The following AGBL1 variants were observed in gnomAD, a reference collection of about 807,000 sequenced individuals.
The protein encoded by AGBL1 is cytosolic carboxypeptidase 4.
AGBL1 carries 130 observed loss-of-function variants against 118.9 expected under a neutral mutation model. That is an observed-to-expected ratio of 1.09 (90% CI 0.95 to 1.26). AGBL1 has a LOEUF of 1.26. Among genes scored for constraint, AGBL1 ranks in the 50% most tolerant of loss-of-function variants. AGBL1 has a pLI of 0.00. For missense variants in AGBL1, 1,584 were observed against 1,298.1 expected (o/e 1.22, Z -3.38); for synonymous variants, 555 against 478.9 (o/e 1.16, Z -2.08).
intron 17 of AGBL1, among the ~76,000 whole-genome samples, chr15:86,395,470 C>G (rs1267087690): frequency 6.6e-6 from 1 of 152,094 alleles, no homozygotes; most frequent in Non-Finnish European, 1.5e-5. Flanking sequence ...CCTCCATTAG[C>G]TCACTTGTAA....
Position 86,816,451 on chromosome 15 carries a change from A to C in AGBL1, c.3159-90636A>C, listed in dbSNP as rs150051321. 1.6e-4 allele frequency among the ~76,000 whole-genome samples: 24 copies of C among 152,342 alleles called. No individual in the cohort carries two copies. The East Asian group carries it at 4.1e-3, about 26-fold the overall frequency. The stretch of plus-strand genomic sequence containing the variant: ...AAAAAGGCAGTTCAGTTGACAGGTG[A>C]CATCGACACCAAAGAAATATCAGGA... On this transcript the variant is annotated intron_variant, in intron 22 of 22. Coordinates refer to ENST00000614907, the MANE Select transcript of AGBL1 (RefSeq NM_001386094.1).
intron 5 of AGBL1, among the ~76,000 whole-genome samples, chr15:86,201,114 T>A (rs4887407): frequency 0.4 from 60,124 of 151,866 alleles, 12,133 homozygotes; most frequent in South Asian, 0.53. Flanking sequence ...ATAAATAGTC[T>A]TGTCTATTAT....
At chr15:86,849,722 C>T (rs1243461755) in intron 22 of AGBL1, among the ~76,000 whole-genome samples, 1 of 152,188 alleles carries the variant, frequency 6.6e-6, no homozygotes, top group South Asian at 2.1e-4. Flanking sequence ...TTATGCCAGG[C>T]TTAGTATCTG....
intron 21 of AGBL1, among the ~76,000 whole-genome samples, chr15:86,667,386 T>C (rs892547832): frequency 1.3e-5 from 2 of 152,076 alleles, no homozygotes; most frequent in Admixed American, 1.3e-4. Context: ...TTTTTCTTGT[T>C]TATGATGTGG....
intron 18 of AGBL1, among the ~76,000 whole-genome samples, chr15:86,496,241 C>T (rs767320133): frequency 8.6e-5 from 13 of 152,014 alleles, no homozygotes; most frequent in Non-Finnish European, 1.3e-4. Flanking sequence ...CTCTCTCTCT[C>T]CTGCCACCTT....
At chr15:86,702,097 A>G (rs532078502) in intron 22 of AGBL1, among the ~76,000 whole-genome samples, 1 of 151,932 alleles carries the variant, frequency 6.6e-6, no homozygotes, top group Non-Finnish European at 1.5e-5. Context: ...AATCCTATCC[A>G]TAGCTCCAAT....
rs1339014069 is a variant in AGBL1, at chr15:86,563,472, C to T, written c.2994+8935C>T. Among the ~76,000 whole-genome samples, 2 of 151,990 alleles carry T rather than the reference C, an allele frequency of 1.3e-5. 1 individual carries two copies. Among genetic ancestry groups the T allele is most frequent in the Admixed American group, 1.3e-4 (2 of 15,256 alleles). Reference sequence around the variant, plus strand: ...AGCGGTTTTGAGTGAGTTTTTAATCCTGAGTTCTTGTTTGATTGCACTGTG... The same window carrying T: ...AGCGGTTTTGAGTGAGTTTTTAATCTTGAGTTCTTGTTTGATTGCACTGTG... On this transcript the variant is annotated intron_variant, in intron 21 of 22. Transcript: ENST00000614907.
intron 6 of AGBL1, among the ~76,000 whole-genome samples, chr15:86,225,264 C>A (rs915811922): frequency 6.6e-6 from 1 of 151,830 alleles, no homozygotes; most frequent in Non-Finnish European, 1.5e-5. Context: ...GGACCCTCCA[C>A]CCCTGTCTAA....
intron 18 of AGBL1, among the ~76,000 whole-genome samples, chr15:86,441,320 T>C (rs146132414): frequency 6.6e-6 from 1 of 152,294 alleles, no homozygotes; most frequent in African/African-American, 2.4e-5. Flanking sequence ...TGACCTAGTG[T>C]TTTTCCTTTG....
intron 1 of AGBL1, among the ~76,000 whole-genome samples, chr15:86,130,682 C>T (rs1270172879): frequency 1.3e-5 from 2 of 152,152 alleles, no homozygotes; most frequent in African/African-American, 2.4e-5. Flanking sequence ...CACTGTCATG[C>T]ATTCCAAATT....
At chr15:86,390,873 T>C (rs888209226) in intron 17 of AGBL1, among the ~76,000 whole-genome samples, 3 of 152,014 alleles carry the variant, frequency 2.0e-5, no homozygotes, top group African/African-American at 7.3e-5. Flanking sequence ...TTTTGCCATG[T>C]TGGCCAGGCT....
intron 18 of AGBL1, among the ~76,000 whole-genome samples, chr15:86,416,390 C>A (rs1567246089): frequency 6.6e-6 from 1 of 152,054 alleles, no homozygotes; most frequent in African/African-American, 2.4e-5. Flanking sequence ...AATGTCAGGG[C>A]AAAAAATTTG....
intron 22 of AGBL1, among the ~76,000 whole-genome samples, chr15:86,864,914 T>C (rs1431001500): frequency 6.6e-6 from 1 of 152,162 alleles, no homozygotes; most frequent in African/African-American, 2.4e-5. Context: ...CTAAACTCTC[T>C]CCATATTTTG....
At chr15:86,548,669 A>G (rs907943293) in intron 20 of AGBL1, among the ~76,000 whole-genome samples, 13 of 72,334 alleles carry the variant, frequency 1.8e-4, no homozygotes, top group African/African-American at 2.8e-4. Flanking sequence ...GCACGCACAC[A>G]CACACACACA....
intron 18 of AGBL1, among the ~76,000 whole-genome samples, chr15:86,453,843 G>T (rs574968073): frequency 6.6e-6 from 1 of 152,322 alleles, no homozygotes; most frequent in East Asian, 1.9e-4. Flanking sequence ...GTTGTGTGTA[G>T]TATTTTTAAA....
At chr15:86,534,840 G>A (rs28735683) in intron 19 of AGBL1, among the ~76,000 whole-genome samples, 98,278 of 152,050 alleles carry the variant, frequency 0.65, 33,909 homozygotes, top group African/African-American at 0.9. Context: ...TAAGATCAGT[G>A]AAAGTAATTT....
intron 23 of AGBL1, among the ~76,000 whole-genome samples, chr15:86,982,770 C>T (rs1008248697): frequency 3.9e-5 from 6 of 152,146 alleles, no homozygotes; most frequent in Admixed American, 6.5e-5. Context: ...GTATATAATA[C>T]GAAATAAGTG....
Position 87,024,188 on chromosome 15 carries a change from AC to A in AGBL1, c.3324-4636del, listed in dbSNP as rs1367480349. ...AACAAAAATATAAAAGATAAATGAAACAAAAATCTGGTTCTTTGAAAAGATA... is the reference window on the plus strand; with the variant it reads ...AACAAAAATATAAAAGATAAATGAAAAAAAATCTGGTTCTTTGAAAAGATA... On this transcript the variant is annotated intron_variant, in intron 24 of 24. Transcript: ENST00000441037. 2.8e-4 allele frequency among the ~76,000 whole-genome samples: 43 copies of A among 152,188 alleles called. 1 individual carries two copies. The highest frequency in any genetic ancestry group is 8.5e-4 in the Admixed American group (13 of 15,264).
intron 3 of AGBL1, among the ~76,000 whole-genome samples, chr15:86,151,563 G>T (rs892601612): frequency 3.3e-5 from 5 of 152,004 alleles, no homozygotes; most frequent in Admixed American, 3.3e-4. Flanking sequence ...ACCCACAGCC[G>T]ATATCATACT....
Sources: allele counts gnomAD v4.1 joint callset (sites outside exome capture counted in the v4.1 genomes callset), GRCh38; gene constraint gnomAD v4.1.1; transcripts MANE v1.5; gene names NCBI Gene and HGNC (gene_info 2026-07-23, HGNC 2026-07-21).